The following UBXN4 variants were observed in gnomAD, a reference collection of about 807,000 sequenced individuals.
UBXN4 encodes the protein UBX domain protein 4, also known as UBX domain-containing protein 4.
In UBXN4, 35 loss-of-function variants were observed where a neutral mutation model predicts 66.2. The observed-to-expected ratio is 0.53, with a 90% CI of 0.40 to 0.70. The LOEUF is 0.70. Ranked by LOEUF, UBXN4 falls within the 30% of genes least tolerant of loss-of-function variation. The pLI is 0.00. For synonymous variants in UBXN4, 203 were observed against 204.5 expected (o/e 0.99, Z 0.06); for missense variants, 533 against 599.8 (o/e 0.89, Z 1.16).
At chr2:135,751,568 G>A (rs2077242209) in intron 2 of UBXN4, among the ~76,000 whole-genome samples, 1 of 150,110 alleles carries the variant, frequency 6.7e-6, no homozygotes, top group Non-Finnish European at 1.5e-5. Flanking sequence ...TAGACTGCAT[G>A]CTGATAGAAT....
intron 12 of UBXN4, 130 bp downstream of exon 12, chr2:135,780,515 C>G: frequency 1.3e-6 from 1 of 793,392 alleles, no homozygotes; most frequent in Non-Finnish European, 2.0e-6. Context: ...GAGAAAAACT[C>G]CGATGCTCTG....
At chr2:135,778,626 A>C (rs2077432123) in intron 10 of UBXN4, among the ~76,000 whole-genome samples, 1 of 152,246 alleles carries the variant, frequency 6.6e-6, no homozygotes, top group Admixed American at 6.5e-5. Context: ...AAGGATAGTG[A>C]AAACCTAATG....
At chr2:135,752,280 C>T (rs765912870) in intron 2 of UBXN4, among the ~76,000 whole-genome samples, 3 of 152,174 alleles carry the variant, frequency 2.0e-5, no homozygotes, top group Non-Finnish European at 2.9e-5. Context: ...AACTCCTGAC[C>T]TCATAATCCA....
chr2:135,750,161 GCAGGATTT>G (rs1299827346), intron 2 of UBXN4, among the ~76,000 whole-genome samples: 7 of 152,018 alleles, frequency 4.6e-5, no homozygotes, highest in African/African-American at 1.7e-4. Flanking sequence ...TTTCTTTGAA[GCAGGATTT>G]CACTATGTTG....
intron 1 of UBXN4, 150 bp downstream of exon 1, chr2:135,742,161 C>A: frequency 1.1e-6 from 1 of 910,132 alleles, no homozygotes; most frequent in Non-Finnish European, 1.6e-6. Context: ...GCCCCAGGGA[C>A]GGCTGCGACT....
intron 9 of UBXN4, 76 bp downstream of exon 9, chr2:135,772,623 T>G: frequency 6.4e-7 from 1 of 1,568,480 alleles, no homozygotes; most frequent in Non-Finnish European, 8.7e-7. Context: ...TTTTTAACAC[T>G]GATGTATACT....
At chr2:135,774,167 T>C (rs886118826) in intron 9 of UBXN4, among the ~76,000 whole-genome samples, 1 of 152,228 alleles carries the variant, frequency 6.6e-6, no homozygotes, top group African/African-American at 2.4e-5. Context: ...AACATACAGG[T>C]CATTGTAATA....
chr2:135,747,348 C>CA (rs138276089), intron 1 of UBXN4, among the ~76,000 whole-genome samples: 97 of 83,418 alleles, frequency 1.2e-3, no homozygotes, highest in African/African-American at 1.7e-3. Context: ...AACTCCATCT[C>CA]AAAAAAAAAA....
chr2:135,754,646 C>T (rs2077268641), intron 4 of UBXN4, among the ~76,000 whole-genome samples: 2 of 151,898 alleles, frequency 1.3e-5, no homozygotes, highest in South Asian at 4.2e-4. Flanking sequence ...TTTTTGGAGC[C>T]CCTCTGTATA....
intron 1 of UBXN4, among the ~76,000 whole-genome samples, chr2:135,742,964 C>T (rs2077186167): frequency 1.3e-5 from 2 of 152,156 alleles, no homozygotes; most frequent in African/African-American, 2.4e-5. Context: ...CCATATTCTC[C>T]TGTTTTATTA....
chr2:135,757,017 G>A (rs2077282323), intron 5 of UBXN4, among the ~76,000 whole-genome samples: 1 of 152,104 alleles, frequency 6.6e-6, no homozygotes, highest in Non-Finnish European at 1.5e-5. Context: ...ATTTGACTGT[G>A]ATATGCCTAA....
At chr2:135,760,300 G>A (rs1174622478) in intron 5 of UBXN4, among the ~76,000 whole-genome samples, 1 of 151,972 alleles carries the variant, frequency 6.6e-6, no homozygotes, top group African/African-American at 2.4e-5. Flanking sequence ...GCATGGTAGC[G>A]TGCACTGGTG....
intron 6 of UBXN4, among the ~76,000 whole-genome samples, chr2:135,769,397 G>GTT (rs60241067): frequency 2.4e-3 from 348 of 147,276 alleles, no homozygotes; most frequent in Middle Eastern, 6.9e-3. Context: ...ATTTTTACAG[G>GTT]TTTTTTTTTT....
intron 9 of UBXN4, among the ~76,000 whole-genome samples, chr2:135,775,225 A>G (rs2077406454): frequency 6.6e-6 from 1 of 152,242 alleles, no homozygotes; most frequent in Non-Finnish European, 1.5e-5. Context: ...GCCACCTTGG[A>G]AAACAGTTTG....
chr2:135,748,500 T>G, intron 2 of UBXN4, 131 bp downstream of exon 2: 2 of 553,786 alleles, frequency 3.6e-6, no homozygotes, highest in South Asian at 4.1e-5. Context: ...GAGACTGAGG[T>G]GGGAGGATCG....
At chr2:135,772,282 C>T (rs2077387807) in intron 8 of UBXN4, 138 bp from the exon 9 acceptor site, 5 of 952,306 alleles carry the variant, frequency 5.3e-6, no homozygotes, top group Non-Finnish European at 7.5e-6. Flanking sequence ...ATGATTGTGC[C>T]ACTGCACTCC....
At chr2:135,746,515 CAAG>C (rs1338026058) in intron 1 of UBXN4, among the ~76,000 whole-genome samples, 1 of 152,068 alleles carries the variant, frequency 6.6e-6, no homozygotes, top group Non-Finnish European at 1.5e-5. Context: ...GGGAATGTCT[CAAG>C]AGTGTAATTT....
At chr2:135,753,484 G>A (rs1179545865) in intron 2 of UBXN4, 55 bp from the exon 3 acceptor site, 19 of 1,460,276 alleles carry the variant, frequency 1.3e-5, no homozygotes, top group Non-Finnish European at 1.7e-5. Flanking sequence ...AAACAACTCA[G>A]TATTTAGAAA....
At chr2:135,766,836 C>T (rs1017462339) in intron 6 of UBXN4, among the ~76,000 whole-genome samples, 7 of 152,110 alleles carry the variant, frequency 4.6e-5, no homozygotes, top group Non-Finnish European at 8.8e-5. Context: ...TGCTTAAAAA[C>T]TTCACCCGGT....
Sources: allele counts gnomAD v4.1 joint callset (sites outside exome capture counted in the v4.1 genomes callset), GRCh38; gene constraint gnomAD v4.1.1; transcripts MANE v1.5; gene names NCBI Gene and HGNC (gene_info 2026-07-23, HGNC 2026-07-21).